Variants in KAZN observed in about 807,000 individuals in gnomAD.
KAZN encodes the protein kazrin.
A neutral mutation model predicts 87.4 loss-of-function variants in KAZN; 40 were observed. The observed-to-expected ratio is 0.46, with a 90% CI of 0.36 to 0.60. The LOEUF is 0.60. KAZN is among the 20% of genes least tolerant of loss of function. The pLI, the probability that KAZN is intolerant of heterozygous loss-of-function variation, is 0.00. For synonymous variants in KAZN, 466 were observed against 458.3 expected (o/e 1.02, Z -0.22); for missense variants, 898 against 1,073.9 (o/e 0.84, Z 2.29).
intron 6 of KAZN, chr1:15,062,166 A>G (rs1573226707): frequency 6.6e-6 from 1 of 152,234 alleles, no homozygotes; most frequent in South Asian, 2.1e-4. Context: ...CTTGAATTGC[A>G]TTTGACCCAG....
intron 2 of KAZN, among the ~76,000 whole-genome samples, chr1:14,581,070 G>A (rs1271031211): frequency 6.6e-6 from 1 of 151,876 alleles, no homozygotes; most frequent in Non-Finnish European, 1.5e-5. Context: ...CCACTCTTGG[G>A]CCTCTGGATA....
intron 2 of KAZN, among the ~76,000 whole-genome samples, chr1:14,331,052 C>G (rs1656822152): frequency 6.6e-6 from 1 of 152,146 alleles, no homozygotes; most frequent in Non-Finnish European, 1.5e-5. Flanking sequence ...CCCAGACTCC[C>G]TTGCAGCTAA....
intron 1 of KAZN, among the ~76,000 whole-genome samples, chr1:14,800,284 G>A (rs1645968903): frequency 6.6e-6 from 1 of 152,198 alleles, no homozygotes; most frequent in South Asian, 2.1e-4. Context: ...ACTCCTATGA[G>A]CGTTCACAGC....
At chr1:14,564,548 G>C (rs896296964) in intron 2 of KAZN, among the ~76,000 whole-genome samples, 2 of 152,022 alleles carry the variant, frequency 1.3e-5, no homozygotes, top group Non-Finnish European at 2.9e-5. Flanking sequence ...GCTCATGCCT[G>C]TAATCCCAGC....
intron 2 of KAZN, among the ~76,000 whole-genome samples, chr1:14,216,247 G>A (rs1311811986): frequency 2.6e-5 from 4 of 152,166 alleles, no homozygotes; most frequent in Non-Finnish European, 5.9e-5. Flanking sequence ...TGTCCAACAT[G>A]TACTCAATGG....
Position 14,945,678 on chromosome 1 carries a change from TA to T in KAZN, c.227-15003del, listed in dbSNP as rs1421590362. Among the ~76,000 whole-genome samples the T allele has an allele frequency of 3.3e-5, 5 of 152,378 alleles. No homozygotes were observed. The East Asian group carries it at 9.7e-4, about 29-fold the overall frequency. On this transcript the variant is annotated intron_variant, in intron 1 of 14. Coordinates refer to ENST00000376030, the MANE Select transcript of KAZN (RefSeq NM_201628.3). ...TGCCAGTTTTCATAAGTGAAACATT[TA>T]AAGTATGCAAAGCATATTTTATTTC...
intron 1 of KAZN, among the ~76,000 whole-genome samples, chr1:14,167,713 ACT>A (rs1442547276): frequency 1.3e-5 from 2 of 150,834 alleles, no homozygotes; most frequent in Non-Finnish European, 2.9e-5. Flanking sequence ...AAAGAGAGAA[ACT>A]CTGTCAAAAA....
chr1:14,543,626 G>GCTTCATA (rs1465060727), intron 2 of KAZN, among the ~76,000 whole-genome samples: 6 of 152,144 alleles, frequency 3.9e-5, no homozygotes, highest in Admixed American at 3.3e-4. Context: ...TACAGAAGTT[G>GCTTCATA]CTTCATACTT....
chr1:14,170,925 G>T (rs1169870644), intron 1 of KAZN, among the ~76,000 whole-genome samples: 1 of 152,078 alleles, frequency 6.6e-6, no homozygotes, highest in Non-Finnish European at 1.5e-5. Context: ...TTTCGATGAG[G>T]CTGGTCTCAA....
intron 1 of KAZN, among the ~76,000 whole-genome samples, chr1:14,842,188 A>G (rs1012605938): frequency 1.3e-5 from 2 of 152,184 alleles, no homozygotes; most frequent in Non-Finnish European, 2.9e-5. Flanking sequence ...GGGGATTTTC[A>G]TGTTTTGTTC....
At chr1:14,793,411 G>C (rs1301728002) in intron 1 of KAZN, among the ~76,000 whole-genome samples, 1 of 152,192 alleles carries the variant, frequency 6.6e-6, no homozygotes, top group Non-Finnish European at 1.5e-5. Flanking sequence ...CAGCTTAGAA[G>C]TTAGGGGCTG....
At chr1:14,953,098 A>G (rs1322414300) in intron 1 of KAZN, among the ~76,000 whole-genome samples, 1 of 152,218 alleles carries the variant, frequency 6.6e-6, no homozygotes, top group Non-Finnish European at 1.5e-5. Flanking sequence ...GGCACAGAGC[A>G]TGGTGTCGGG....
intron 1 of KAZN, among the ~76,000 whole-genome samples, chr1:14,042,681 G>A (rs1182121110): frequency 1.3e-5 from 2 of 152,132 alleles, no homozygotes; most frequent in African/African-American, 4.8e-5. Context: ...TAGAGTAGAA[G>A]GGGACAGATA....
At chr1:14,561,587 G>A (rs1674256291) in intron 2 of KAZN, among the ~76,000 whole-genome samples, 1 of 152,088 alleles carries the variant, frequency 6.6e-6, no homozygotes, top group Non-Finnish European at 1.5e-5. Context: ...ATACTGGGAG[G>A]AGACAACCAT....
intron 2 of KAZN, among the ~76,000 whole-genome samples, chr1:14,988,282 G>GGGCTTCCTCCCC (rs1667021753): frequency 6.6e-6 from 1 of 152,082 alleles, no homozygotes; most frequent in Non-Finnish European, 1.5e-5. Flanking sequence ...TCCTCCTCCC[G>GGGCTTCCTCCCC]GGGCTTCCTC....
chr1:13,941,357 G>A (rs1386677887), intron 1 of KAZN, among the ~76,000 whole-genome samples: 3 of 152,250 alleles, frequency 2.0e-5, no homozygotes, highest in South Asian at 4.2e-4. Context: ...AATCTACTAT[G>A]TGCTGGAGAT....
chr1:14,634,875 A>G (rs1362471018), intron 1 of KAZN, among the ~76,000 whole-genome samples: 3 of 152,142 alleles, frequency 2.0e-5, no homozygotes, highest in African/African-American at 2.4e-5. Flanking sequence ...CTTAGTTATT[A>G]TATGCACGTA....
At chr1:14,641,481 C>A (rs1161178862) in intron 1 of KAZN, among the ~76,000 whole-genome samples, 4 of 152,318 alleles carry the variant, frequency 2.6e-5, no homozygotes, top group South Asian at 4.1e-4. Context: ...TCCACAAGCC[C>A]TCAAGCACAC....
intron 2 of KAZN, among the ~76,000 whole-genome samples, chr1:14,993,257 C>T (rs1309924830): frequency 1.3e-5 from 2 of 151,332 alleles, no homozygotes; most frequent in Admixed American, 1.3e-4. Flanking sequence ...CACCTGAGGT[C>T]GGGAGTTCGA....
Sources: allele counts gnomAD v4.1 joint callset (sites outside exome capture counted in the v4.1 genomes callset), GRCh38; gene constraint gnomAD v4.1.1; transcripts MANE v1.5; gene names NCBI Gene and HGNC (gene_info 2026-07-23, HGNC 2026-07-21).